PAPPA: variants seen among roughly 807,000 people sequenced by gnomAD.
PAPPA encodes the protein pappalysin 1.
A neutral mutation model predicts 164.0 loss-of-function variants in PAPPA; 60 were observed. The ratio of observed to expected loss-of-function variants is 0.37; its 90% CI spans 0.30 to 0.45. The LOEUF is 0.45. Ranked by LOEUF, PAPPA falls within the 20% of genes least tolerant of loss-of-function variation. PAPPA has a pLI of 1.00. For missense variants in PAPPA, 1,782 were observed against 2,087.3 expected (o/e 0.85, Z 2.85); for synonymous variants, 875 against 814.1 (o/e 1.07, Z -1.27).
At chr9:116,307,641 C>A in intron 10 of PAPPA, among the ~76,000 whole-genome samples, 1 of 151,944 alleles carries the variant, frequency 6.6e-6, no homozygotes, top group East Asian at 1.9e-4. Context: ...CATACTATAC[C>A]TTGTAATATA....
chr9:116,154,475 G>A lies in PAPPA; in HGVS notation c.303G>A (p.Gly101=), dbSNP rs1843576275. ...SPPSRALYFS[G]RGEQLRLRAD... ...CGAGCCGGGCGCTCTATTTCAGCGG[G>A]CGAGGCGAGCAGCTGCGCCTCCGGG... The change falls in exon 1 of 22, where the codon GGG becomes GGA. Residue 101 remains glycine, a synonymous_variant. Coordinates refer to ENST00000328252, the MANE Select transcript of PAPPA (RefSeq NM_002581.5). The surrounding 1 kb of genome is among the most constrained non-coding windows in gnomAD (Gnocchi z 5.2). The A allele has an allele frequency of 3.8e-6, 5 of 1,303,260 alleles. No homozygotes were observed. The highest frequency in any genetic ancestry group is 3.1e-5 in the African/African-American group (2 of 65,000). 80.7% of individuals were successfully genotyped at this position (1,303,260 alleles called of 1,614,324 possible).
chr9:116,345,731 G>A (rs1393926898), intron 14 of PAPPA, among the ~76,000 whole-genome samples: 1 of 152,212 alleles, frequency 6.6e-6, no homozygotes, highest in East Asian at 1.9e-4. Flanking sequence ...CATCAAAGGA[G>A]TCATGGAAGA....
intron 10 of PAPPA, among the ~76,000 whole-genome samples, chr9:116,310,792 A>G (rs187204181): frequency 9.9e-5 from 15 of 152,282 alleles, no homozygotes; most frequent in Admixed American, 2.0e-4. Flanking sequence ...GATCAGTTCA[A>G]CCTGATTTTC....
intron 10 of PAPPA, among the ~76,000 whole-genome samples, chr9:116,323,723 G>A (rs951721833): frequency 6.6e-6 from 1 of 152,210 alleles, no homozygotes; most frequent in South Asian, 2.1e-4. Flanking sequence ...CTGCTGCACA[G>A]TGTGGCTTTG....
chr9:116,353,194 G>T (rs983996210), intron 16 of PAPPA, among the ~76,000 whole-genome samples: 4 of 152,000 alleles, frequency 2.6e-5, no homozygotes, highest in Admixed American at 1.3e-4. Flanking sequence ...CCACAAGAGG[G>T]GTATGATAAT....
intron 9 of PAPPA, among the ~76,000 whole-genome samples, chr9:116,275,729 C>T (rs753769290): frequency 4.1e-4 from 63 of 152,142 alleles, no homozygotes; most frequent in African/African-American, 1.5e-3. Context: ...ACCTCTTCTA[C>T]CTTCTTGTCC....
chr9:116,218,892 G>A (rs920166541), intron 4 of PAPPA, among the ~76,000 whole-genome samples: 12 of 152,090 alleles, frequency 7.9e-5, no homozygotes, highest in South Asian at 2.1e-4. Flanking sequence ...ATAGTAGTGC[G>A]TACTCCAAAA....
rs777950765 is a variant in PAPPA at position 116,211,783 on chromosome 9, C to A, written c.1769C>A (p.Thr590Lys). 3 of 1,614,166 alleles carry A rather than the reference C, an allele frequency of 1.9e-6. No homozygotes were observed. Among genetic ancestry groups the A allele is most frequent in the African/African-American group, 1.3e-5 (1 of 75,054 alleles). ...TCCTGCAGTGACCCCTGCATGGAGA[C>A]AGAGCCCTCCTTCGAGACTGGAGAC... ...IQSCSDPCME[T>K]EPSFETGDLC... The change falls in exon 4 of 22, where the codon ACA becomes AAA. Residue 590 changes from threonine (T) to lysine (K), a missense_variant. Around this residue, in one of 2 missense-constraint regions of PAPPA, gnomAD observed 1,324 missense variants for 1,656.9 expected, o/e 0.80. Coordinates refer to ENST00000328252, the MANE Select transcript of PAPPA (RefSeq NM_002581.5).
At chr9:116,157,842 T>C (rs1843621390) in intron 1 of PAPPA, among the ~76,000 whole-genome samples, 1 of 152,140 alleles carries the variant, frequency 6.6e-6, no homozygotes, top group Admixed American at 6.5e-5. Context: ...CCCTTTGCTT[T>C]TGTACCACAC....
At chr9:116,366,281 A>T (rs1792618825) in intron 18 of PAPPA, among the ~76,000 whole-genome samples, 1 of 152,122 alleles carries the variant, frequency 6.6e-6, no homozygotes. Context: ...GTAGAGAATG[A>T]ATGAGCTGAA....
rs1021861146 is a variant in PAPPA, at chr9:116,245,226, C to T, written c.2732+9589C>T. Among the ~76,000 whole-genome samples the T allele has an allele frequency of 7.9e-5, 12 of 152,030 alleles. 1 individual carries two copies. Among genetic ancestry groups the T allele is most frequent in the South Asian group, 6.2e-4 (3 of 4,810 alleles). ...GGGGCACAATGTACATTATTCAGACCGTAGATACCCCCCAAACCCTGAATT... is the reference window on the plus strand; with the variant it reads ...GGGGCACAATGTACATTATTCAGACTGTAGATACCCCCCAAACCCTGAATT... On this transcript the variant is annotated intron_variant, in intron 7 of 21. Coordinates refer to ENST00000328252, the MANE Select transcript of PAPPA (RefSeq NM_002581.5).
intron 10 of PAPPA, among the ~76,000 whole-genome samples, chr9:116,326,919 T>C (rs1845927696): frequency 2.0e-5 from 3 of 152,248 alleles, no homozygotes; most frequent in Admixed American, 2.0e-4. Flanking sequence ...CAGAATTTCC[T>C]TTTTTAAGGT....
chr9:116,231,077 A>ATATATG (rs1260301556), intron 6 of PAPPA, among the ~76,000 whole-genome samples: 1 of 151,668 alleles, frequency 6.6e-6, no homozygotes, highest in East Asian at 1.9e-4. Context: ...GCTGCAGTGT[A>ATATATG]TATATATATA....
rs114182874 is a variant in PAPPA, at chr9:116,398,958, C to A, written c.*2342C>A. 6.3e-6 allele frequency: 2 copies of A among 315,656 alleles called. No homozygotes were observed. Among genetic ancestry groups the A allele is most frequent in the African/African-American group, 4.4e-5 (2 of 45,480 alleles). The allele number at this position is 315,656 out of a possible 1,614,324, so 19.6% of individuals were successfully genotyped here. A position where few individuals can be genotyped will look rare whatever the true frequency, so the allele number is the denominator to read the frequency against. On this transcript the variant is annotated 3_prime_UTR_variant, in exon 22 of 22. Coordinates refer to ENST00000328252, the MANE Select transcript of PAPPA (RefSeq NM_002581.5). ...GAGTTATCAGCCTGTGTGGTGTTAA[C>A]TACCTTAGAAGGTACAAGCTAAGAA...
chr9:116,255,904 A>T (rs1844921788), intron 7 of PAPPA, among the ~76,000 whole-genome samples: 1 of 151,880 alleles, frequency 6.6e-6, no homozygotes, highest in Non-Finnish European at 1.5e-5. Context: ...TTTGCCTAGG[A>T]TCTAAGTGGA....
chr9:116,390,929 C>T (rs78581612), intron 21 of PAPPA, among the ~76,000 whole-genome samples: 5,364 of 152,290 alleles, frequency 0.035, 153 homozygotes, highest in Non-Finnish European at 0.051. Flanking sequence ...ATGCATTATT[C>T]TAATGCTTTA....
intron 19 of PAPPA, among the ~76,000 whole-genome samples, chr9:116,374,576 G>A (rs1388519303): frequency 1.3e-5 from 2 of 152,240 alleles, no homozygotes; most frequent in Non-Finnish European, 2.9e-5. Flanking sequence ...TATGCAGATA[G>A]TATAAAAGTC....
chr9:116,195,054 T>C (rs1224309171), intron 2 of PAPPA, among the ~76,000 whole-genome samples: 1 of 152,214 alleles, frequency 6.6e-6, no homozygotes, highest in Admixed American at 6.5e-5. Flanking sequence ...GACATATTTC[T>C]GTACAAAACC....
chr9:116,206,216 G>A (rs1006133530), intron 2 of PAPPA, among the ~76,000 whole-genome samples: 5 of 152,130 alleles, frequency 3.3e-5, no homozygotes, highest in Non-Finnish European at 5.9e-5. Context: ...AGACATAAAT[G>A]TAAGCTCTCC....
Sources: gnomAD v4.1 joint callset for allele counts (sites outside exome capture counted in the v4.1 genomes callset) on GRCh38, gnomAD v4.1.1 for gene constraint, gnomAD v4.1.1 regional missense constraint, Gnocchi (gnomAD v3.1) non-coding constraint, MANE v1.5 for transcripts, NCBI Gene and HGNC (gene_info 2026-07-23, HGNC 2026-07-21) for gene names.